TSHZ2: variants seen among roughly 807,000 people sequenced by gnomAD.
TSHZ2 encodes teashirt zinc finger homeobox 2, also known as teashirt homolog 2.
TSHZ2 carries 21 observed loss-of-function variants against 74.4 expected under a neutral mutation model. That is an observed-to-expected ratio of 0.28 (90% CI 0.20 to 0.41). The LOEUF (loss-of-function observed/expected upper bound fraction) is 0.41. TSHZ2 is among the 10% of genes least tolerant of loss of function. The probability of loss-of-function intolerance (pLI) is 1.00; values close to 1 mark genes in which losing one functional copy is unlikely to be tolerated. For missense variants in TSHZ2, 1,244 were observed against 1,293.5 expected (o/e 0.96, Z 0.59); for synonymous variants, 540 against 515.3 (o/e 1.05, Z -0.65).
rs1369849549 is a variant in TSHZ2 at position 53,124,831 on chromosome 20, G to A, written c.41-128668G>A. On this transcript the variant is annotated intron_variant, in intron 1 of 2. Transcript: ENST00000371497. Reference sequence around the variant, plus strand: ...GCCAGAAAGTGACAGACACAGCCAGGGAGTGGGCATAACACGTGATTGTTA... The same window carrying A: ...GCCAGAAAGTGACAGACACAGCCAGAGAGTGGGCATAACACGTGATTGTTA... Among the ~76,000 whole-genome samples the A allele has an allele frequency of 2.0e-5, 3 of 152,290 alleles. No homozygotes were observed. The South Asian group carries it at 6.2e-4, about 32-fold the overall frequency.
At chr20:53,486,758 A>G (rs904019525) in intron 2 of TSHZ2, among the ~76,000 whole-genome samples, 13 of 152,182 alleles carry the variant, frequency 8.5e-5, no homozygotes, top group Non-Finnish European at 1.3e-4. Context: ...GGAATATTGC[A>G]TGATGGTGAG....
intron 1 of TSHZ2, among the ~76,000 whole-genome samples, chr20:53,226,653 A>G (rs1002557474): frequency 1.3e-5 from 2 of 152,148 alleles, no homozygotes; most frequent in Admixed American, 1.3e-4. Flanking sequence ...AGGTGTTCAA[A>G]TGGTGTATTT....
At chr20:53,342,450 G>A (rs551141604) in intron 2 of TSHZ2, among the ~76,000 whole-genome samples, 7 of 152,140 alleles carry the variant, frequency 4.6e-5, no homozygotes, top group African/African-American at 1.7e-4. Context: ...GCTTACGTCC[G>A]GTATAACCAG....
At chr20:53,297,076 G>T (rs1235028597) in intron 2 of TSHZ2, among the ~76,000 whole-genome samples, 1 of 152,110 alleles carries the variant, frequency 6.6e-6, no homozygotes, top group African/African-American at 2.4e-5. Context: ...GGCCATGCTG[G>T]CAAGTCATAT....
intron 2 of TSHZ2, among the ~76,000 whole-genome samples, chr20:53,269,797 T>TAAAA (rs55746415): frequency 0.087 from 12,512 of 144,302 alleles, 648 homozygotes; most frequent in Admixed American, 0.19. Context: ...TAGAGTATAA[T>TAAAA]AAAAAAAAAA....
intron 1 of TSHZ2, among the ~76,000 whole-genome samples, chr20:53,044,090 G>A (rs532882256): frequency 3.7e-4 from 57 of 152,282 alleles, no homozygotes; most frequent in African/African-American, 1.3e-3. Context: ...GGAGATACAG[G>A]GTGAGTATCC....
At chr20:53,273,082 G>C (rs1176263206) in intron 2 of TSHZ2, among the ~76,000 whole-genome samples, 1 of 152,224 alleles carries the variant, frequency 6.6e-6, no homozygotes, top group African/African-American at 2.4e-5. Context: ...TTCAGAGAAA[G>C]GCCGGAGTGT....
intron 1 of TSHZ2, among the ~76,000 whole-genome samples, chr20:53,202,854 C>T (rs1472967415): frequency 6.6e-6 from 1 of 152,088 alleles, no homozygotes; most frequent in African/African-American, 2.4e-5. Flanking sequence ...GTAATACTTC[C>T]AGCCTTGGGG....
At chr20:53,220,992 A>C (rs1466371195) in intron 1 of TSHZ2, among the ~76,000 whole-genome samples, 1 of 152,228 alleles carries the variant, frequency 6.6e-6, no homozygotes, top group Non-Finnish European at 1.5e-5. Context: ...ACCCAATCTC[A>C]TCTTGAATTT....
At chr20:53,299,671 G>C (rs911105490) in intron 2 of TSHZ2, among the ~76,000 whole-genome samples, 2 of 152,128 alleles carry the variant, frequency 1.3e-5, no homozygotes, top group African/African-American at 4.8e-5. Context: ...ATTGGCCTTT[G>C]ACACTACTCA....
intron 2 of TSHZ2, among the ~76,000 whole-genome samples, chr20:53,414,811 T>C (rs1266888798): frequency 7.9e-5 from 12 of 152,204 alleles, no homozygotes; most frequent in Admixed American, 7.9e-4. Flanking sequence ...CTGAGCTTGG[T>C]GAAGTGACCA....
chr20:53,137,085 A>G (rs960237770), intron 1 of TSHZ2, among the ~76,000 whole-genome samples: 1 of 152,094 alleles, frequency 6.6e-6, no homozygotes. Context: ...GTTCCGAAAA[A>G]TTAAAATACA....
intron 1 of TSHZ2, among the ~76,000 whole-genome samples, chr20:53,095,180 A>G (rs561662049): frequency 2.6e-5 from 4 of 152,300 alleles, no homozygotes; most frequent in African/African-American, 7.2e-5. Context: ...GTTTCTCTCT[A>G]TATATTTCTC....
intron 2 of TSHZ2, among the ~76,000 whole-genome samples, chr20:53,309,138 TTA>T (rs1262251828): frequency 6.6e-6 from 1 of 152,184 alleles, no homozygotes; most frequent in Non-Finnish European, 1.5e-5. Flanking sequence ...TTCTCAGGAA[TTA>T]TCTGGACAGC....
chr20:53,393,177 A>G (rs976970247), intron 2 of TSHZ2, among the ~76,000 whole-genome samples: 1 of 151,976 alleles, frequency 6.6e-6, no homozygotes, highest in Non-Finnish European at 1.5e-5. Context: ...CCACCCTCAA[A>G]TATGCTTCGA....
chr20:53,301,194 G>A (rs1991471014), intron 2 of TSHZ2, among the ~76,000 whole-genome samples: 1 of 152,032 alleles, frequency 6.6e-6, no homozygotes, highest in African/African-American at 2.4e-5. Context: ...CTGACCTCAA[G>A]TGATCCTCCC....
intron 2 of TSHZ2, among the ~76,000 whole-genome samples, chr20:53,290,176 C>A (rs1018262402): frequency 1.3e-5 from 2 of 152,148 alleles, no homozygotes; most frequent in South Asian, 4.2e-4. Flanking sequence ...TTCAACAGGA[C>A]GTGCTCTCTT....
chr20:53,377,865 A>T (rs1479631300), intron 2 of TSHZ2, among the ~76,000 whole-genome samples: 2 of 152,048 alleles, frequency 1.3e-5, no homozygotes, highest in African/African-American at 4.8e-5. Context: ...CTTGTCTCAA[A>T]AAAACAAAAG....
At chr20:53,243,203 T>C (rs1990113275) in intron 1 of TSHZ2, among the ~76,000 whole-genome samples, 1 of 152,022 alleles carries the variant, frequency 6.6e-6, no homozygotes, top group Non-Finnish European at 1.5e-5. Context: ...GGAATGGAAT[T>C]TCAAGGGCCT....
Sources: allele counts gnomAD v4.1 joint callset (sites outside exome capture counted in the v4.1 genomes callset), GRCh38; gene constraint gnomAD v4.1.1; transcripts MANE v1.5; gene names NCBI Gene and HGNC (gene_info 2026-07-23, HGNC 2026-07-21).